Variants in CHN2 observed in about 807,000 individuals in gnomAD.
CHN2 encodes the protein chimerin 2, also known as beta-chimaerin.
In CHN2, 35 loss-of-function variants were observed where a neutral mutation model predicts 56.3. The ratio of observed to expected loss-of-function variants is 0.62; its 90% confidence interval spans 0.47 to 0.82. CHN2 has a LOEUF of 0.82. Among genes scored for constraint, CHN2 ranks in the 40% least tolerant of loss-of-function variants. The probability of loss-of-function intolerance (pLI) is 0.00; values close to 1 mark genes in which losing one functional copy is unlikely to be tolerated. For missense variants in CHN2, 491 were observed against 580.5 expected (o/e 0.85, Z 1.58); for synonymous variants, 210 against 212.8 (o/e 0.99, Z 0.12).
At chr7:29,365,963 C>T (rs1181258113) in intron 2 of CHN2, among the ~76,000 whole-genome samples, 1 of 152,158 alleles carries the variant, frequency 6.6e-6, no homozygotes, top group Non-Finnish European at 1.5e-5. Context: ...ACAAAGCAAA[C>T]GTGACAGGTC....
chr7:29,390,261 G>A (rs9986704), intron 3 of CHN2, among the ~76,000 whole-genome samples: 2 of 152,070 alleles, frequency 1.3e-5, no homozygotes, highest in African/African-American at 4.8e-5. Flanking sequence ...AGTAATCCGT[G>A]TAACACGACT....
At chr7:29,502,552 A>G (rs1790082024) in intron 9 of CHN2, among the ~76,000 whole-genome samples, 2 of 152,192 alleles carry the variant, frequency 1.3e-5, no homozygotes, top group African/African-American at 4.8e-5. Context: ...GATAGCTGGC[A>G]ACTTCTGCTA....
rs1219774655 is a variant in CHN2 at position 29,336,839 on chromosome 7, T to G, written c.50-17786T>G. Among the ~76,000 whole-genome samples, 35 of 142,024 alleles carry G rather than the reference T, an allele frequency of 2.5e-4. 1 individual carries two copies. The Admixed American group carries it at 2.5e-3, about 10-fold the overall frequency. The allele number at this position is 142,024 out of a possible 152,430, so 93.2% of individuals were successfully genotyped here. On this transcript the variant is annotated intron_variant, in intron 1 of 12. Transcript: ENST00000222792. ...TCCTTGCTTCTCAGAATGCTTGAAG[T>G]GAAAACAACAAGCATTCCACCTTTC...
intron 1 of CHN2, among the ~76,000 whole-genome samples, chr7:29,321,816 C>T (rs538015688): frequency 1.2e-4 from 18 of 152,160 alleles, no homozygotes; most frequent in African/African-American, 3.1e-4. Flanking sequence ...GTGATCTGCC[C>T]GCCTCAGCCT....
chr7:29,327,920 G>T lies in CHN2; in HGVS notation c.50-26705G>T, dbSNP rs190555077. 1.1e-3 allele frequency among the ~76,000 whole-genome samples: 173 copies of T among 152,184 alleles called. 1 individual carries two copies. The highest frequency in any genetic ancestry group is 3.7e-3 in the African/African-American group (152 of 41,510). On this transcript the variant is annotated intron_variant, in intron 1 of 12. Transcript: ENST00000222792. ...TCTTTCAACCTTCCAGAGAAAATGG[G>T]TAAGACAAAAAAAGTTTAAAAAATC... is the stretch of plus-strand genomic sequence containing the variant.
chr7:29,297,359 A>G (rs115950375), intron 1 of CHN2, among the ~76,000 whole-genome samples: 150 of 152,256 alleles, frequency 9.9e-4, no homozygotes, highest in African/African-American at 3.5e-3. Flanking sequence ...CTGCAGTTAG[A>G]AAGGATAAGG....
intron 6 of CHN2, among the ~76,000 whole-genome samples, chr7:29,442,315 T>TG (rs1783705513): frequency 6.6e-6 from 1 of 152,160 alleles, no homozygotes; most frequent in Admixed American, 6.5e-5. Context: ...CAGGTTACAG[T>TG]GGCCTAAAAG....
chr7:29,499,559 G>C (rs1789706682), intron 8 of CHN2, among the ~76,000 whole-genome samples: 1 of 152,092 alleles, frequency 6.6e-6, no homozygotes, highest in Non-Finnish European at 1.5e-5. Context: ...GGACCCAAAG[G>C]GTTCCAGCCT....
chr7:29,168,837 G>C (rs1796248903), intron 2 of CHN2, among the ~76,000 whole-genome samples: 1 of 152,216 alleles, frequency 6.6e-6, no homozygotes. Context: ...TATGTATTAT[G>C]TGTGCATGAT....
At chr7:29,233,793 T>G (rs2128803835) in intron 1 of CHN2, among the ~76,000 whole-genome samples, 1 of 150,378 alleles carries the variant, frequency 6.6e-6, no homozygotes, top group African/African-American at 2.4e-5. Flanking sequence ...TGGATTCTCT[T>G]TTCCCTAGAA....
chr7:29,146,956 TAGCAGTA>T lies in CHN2; in HGVS notation c.274_274+6del. Reference sequence around the variant, plus strand: ...CTGATGGTCTACATTCCAGCTGCACTAGCAGTAAGCTCGCACCAAGTGCCACTGTCCT... The same window carrying T: ...CTGATGGTCTACATTCCAGCTGCACTAGCTCGCACCAAGTGCCACTGTCCT... On this transcript the variant is annotated splice_donor_variant and splice_donor_region_variant and coding_sequence_variant and intron_variant, in exon 2 of 7. Coordinates refer to the CHN2 transcript ENST00000439384. LOFTEE classifies it high-confidence loss of function. The T allele has an allele frequency of 6.4e-7, 1 of 1,551,088 alleles. No individual in the cohort carries two copies. The highest frequency in any genetic ancestry group is 1.2e-5 in the South Asian group (1 of 84,060).
At chr7:29,270,492 T>TAA (rs869244337) in intron 1 of CHN2, among the ~76,000 whole-genome samples, 35,823 of 104,848 alleles carry the variant, frequency 0.34, 6,475 homozygotes, top group East Asian at 0.67. Flanking sequence ...CCATCTCTAC[T>TAA]AAAAAAAAAA....
chr7:29,271,785 G>A (rs1446838104), intron 1 of CHN2, among the ~76,000 whole-genome samples: 1 of 152,204 alleles, frequency 6.6e-6, no homozygotes, highest in Non-Finnish European at 1.5e-5. Flanking sequence ...AGCAGGCCAA[G>A]TAAGAGACGT....
Position 29,325,623 on chromosome 7 carries a change from A to C in CHN2, c.50-29002A>C, listed in dbSNP as rs375635129. ...TCTGAGAAGGGTTATACTTTGAAACATAATACAACCAGTGAGGTGCTAATA... is the reference window on the plus strand; with the variant it reads ...TCTGAGAAGGGTTATACTTTGAAACCTAATACAACCAGTGAGGTGCTAATA... On this transcript the variant is annotated intron_variant, in intron 1 of 12. Transcript: ENST00000222792. Among the ~76,000 whole-genome samples the C allele has an allele frequency of 1.1e-4, 16 of 152,364 alleles. 1 individual carries two copies. In the East Asian group the frequency reaches 2.3e-3, roughly 22 times the overall value.
At chr7:29,227,950 C>T (rs189043728) in intron 1 of CHN2, among the ~76,000 whole-genome samples, 2,611 of 152,130 alleles carry the variant, frequency 0.017, 41 homozygotes, top group Non-Finnish European at 0.025. Flanking sequence ...GAAAAATCTT[C>T]CTTCATTCAT....
At chr7:29,152,838 A>G (rs1314183821) in intron 2 of CHN2, among the ~76,000 whole-genome samples, 1 of 152,242 alleles carries the variant, frequency 6.6e-6, no homozygotes, top group East Asian at 1.9e-4. Flanking sequence ...GATCCTTGTT[A>G]TTCGTGGATT....
chr7:29,189,776 C>T (rs1782651613), upstream of CHN2, among the ~76,000 whole-genome samples: 1 of 152,090 alleles, frequency 6.6e-6, no homozygotes, highest in Admixed American at 6.5e-5. Flanking sequence ...ATGTGCCGAT[C>T]TGATCCGCCC....
chr7:29,424,297 C>T lies in CHN2; in HGVS notation c.576+23469C>T, dbSNP rs533958089. Among the ~76,000 whole-genome samples, 103 of 152,172 alleles carry T rather than the reference C, an allele frequency of 6.8e-4. 2 individuals carry two copies. The South Asian group carries it at 0.011, about 17-fold the overall frequency. On this transcript the variant is annotated intron_variant, in intron 6 of 12. Transcript: ENST00000222792. ...CCATTTATGGGTTTGTTCAAGATGCCGGGGACATAGTAGAGAAACACATAG... is the reference window on the plus strand; with the variant it reads ...CCATTTATGGGTTTGTTCAAGATGCTGGGGACATAGTAGAGAAACACATAG...
chr7:29,330,842 A>T (rs962802627), intron 1 of CHN2, among the ~76,000 whole-genome samples: 2 of 152,202 alleles, frequency 1.3e-5, no homozygotes, highest in Non-Finnish European at 2.9e-5. Flanking sequence ...CAGTGAGTCC[A>T]TTTAAAGGTG....
Sources: gnomAD v4.1 joint callset for allele counts (sites outside exome capture counted in the v4.1 genomes callset) on GRCh38, gnomAD v4.1.1 for gene constraint, MANE v1.5 for transcripts, NCBI Gene and HGNC (gene_info 2026-07-23, HGNC 2026-07-21) for gene names.